TPRG1: variants seen among roughly 807,000 people sequenced by gnomAD.
TPRG1 encodes the protein tumor protein p63-regulated gene 1 protein.
A neutral mutation model predicts 29.3 loss-of-function variants in TPRG1; 29 were observed. That is an observed-to-expected ratio of 0.99 (90% CI 0.74 to 1.35). TPRG1 has a LOEUF of 1.35. TPRG1 is among the 40% of genes most tolerant of loss of function. The probability of loss-of-function intolerance (pLI) is 0.00; values close to 1 mark genes in which losing one functional copy is unlikely to be tolerated. For synonymous variants in TPRG1, 130 were observed against 116.8 expected (o/e 1.11, Z -0.73); for missense variants, 327 against 335.0 (o/e 0.98, Z 0.19).
chr3:189,118,741 C>T (rs1040020729), intron 1 of TPRG1, among the ~76,000 whole-genome samples: 3 of 152,228 alleles, frequency 2.0e-5, no homozygotes, highest in South Asian at 2.1e-4. Flanking sequence ...GGTGTTGGTC[C>T]TGTGGGTACA....
At position 189,029,329 on chromosome 3, in the gene TPRG1, A is replaced by G. The variant is rs140090736; in HGVS notation, c.-463+5383A>G. Among the ~76,000 whole-genome samples the G allele has an allele frequency of 7.9e-5, 12 of 152,354 alleles. 2 individuals are homozygous for G. Among genetic ancestry groups the G allele is most frequent in the Admixed American group, 6.5e-5 (1 of 15,308 alleles). ...ATGTTTTATGATGTTGCTGCTTCTGATAAAAAGAGCAGGGAATAAACAGTA... is the reference window on the plus strand; with the variant it reads ...ATGTTTTATGATGTTGCTGCTTCTGGTAAAAAGAGCAGGGAATAAACAGTA... On this transcript the variant is annotated intron_variant, in intron 4 of 10. Coordinates refer to the TPRG1 transcript ENST00000433971.
chr3:189,069,244 A>C (rs1208019706), intron 4 of TPRG1, among the ~76,000 whole-genome samples: 1 of 152,206 alleles, frequency 6.6e-6, no homozygotes, highest in Non-Finnish European at 1.5e-5. Context: ...GAAGGAAAAA[A>C]GCCAATTCCA....
Position 189,035,925 on chromosome 3 carries a change from T to C in TPRG1, c.-463+11979T>C, listed in dbSNP as rs113288605. Among the ~76,000 whole-genome samples, 1,292 of 152,224 alleles carry C rather than the reference T, an allele frequency of 8.5e-3. 26 individuals are homozygous for C. Among genetic ancestry groups the C allele is most frequent in the African/African-American group, 0.03 (1,257 of 41,536 alleles). ...CCCAGCAATCCCCTTACTGGGTCTA[T>C]ACCCAGAGGAAAATAAATTGTTCTA... is the stretch of plus-strand genomic sequence containing the variant. On this transcript the variant is annotated intron_variant, in intron 4 of 10. Transcript: ENST00000433971.
intron 4 of TPRG1, among the ~76,000 whole-genome samples, chr3:189,043,420 C>G (rs1714759357): frequency 6.6e-6 from 1 of 152,190 alleles, no homozygotes; most frequent in Non-Finnish European, 1.5e-5. Context: ...TCTTAGCCCT[C>G]AGTTTTTCCA....
At chr3:189,243,156 T>C (rs1476672357) in intron 4 of TPRG1, among the ~76,000 whole-genome samples, 11 of 152,206 alleles carry the variant, frequency 7.2e-5, no homozygotes, top group Non-Finnish European at 1.5e-4. Context: ...ATTCCACTTC[T>C]GTGGAGGCCT....
intron 3 of TPRG1, among the ~76,000 whole-genome samples, chr3:189,023,201 G>A (rs1323996428): frequency 1.3e-5 from 2 of 152,196 alleles, no homozygotes; most frequent in African/African-American, 2.4e-5. Context: ...CGTCGCTCAC[G>A]CTGGGAGCTG....
At chr3:189,163,825 T>C (rs1401444530) in intron 5 of TPRG1, among the ~76,000 whole-genome samples, 7 of 152,182 alleles carry the variant, frequency 4.6e-5, no homozygotes, top group Admixed American at 2.6e-4. Context: ...ACCCTTTGGC[T>C]CTACCCTCTT....
intron 4 of TPRG1, among the ~76,000 whole-genome samples, chr3:189,087,266 A>C (rs1365950239): frequency 6.6e-6 from 1 of 152,164 alleles, no homozygotes; most frequent in Non-Finnish European, 1.5e-5. Flanking sequence ...AGTGATGATG[A>C]GCATTTTTTC....
At chr3:189,008,497 C>T (rs938123744) in intron 3 of TPRG1, among the ~76,000 whole-genome samples, 17 of 152,138 alleles carry the variant, frequency 1.1e-4, no homozygotes, top group African/African-American at 3.9e-4. Flanking sequence ...TAACCTTGGC[C>T]TGGGTTTCTA....
intron 1 of TPRG1, among the ~76,000 whole-genome samples, chr3:189,192,953 A>C (rs1012589988): frequency 1.3e-5 from 2 of 152,032 alleles, no homozygotes; most frequent in Non-Finnish European, 2.9e-5. Context: ...TGCTGGGTAT[A>C]GTATTCCTGG....
chr3:189,309,238 G>T (rs182073153), intron 4 of TPRG1, among the ~76,000 whole-genome samples: 1 of 151,882 alleles, frequency 6.6e-6, no homozygotes, highest in Admixed American at 6.6e-5. Context: ...AACCAGTTGG[G>T]GAGCGGAGTG....
chr3:189,183,745 CTT>C (rs1730549514), intron 1 of TPRG1, among the ~76,000 whole-genome samples: 1 of 152,002 alleles, frequency 6.6e-6, no homozygotes, highest in Middle Eastern at 3.2e-3. Flanking sequence ...GGTTATCTCT[CTT>C]GTTTCCCAAA....
intron 1 of TPRG1, among the ~76,000 whole-genome samples, chr3:189,191,878 A>G (rs1006982179): frequency 6.6e-6 from 1 of 152,134 alleles, no homozygotes; most frequent in African/African-American, 2.4e-5. Flanking sequence ...GATATTCGTC[A>G]CTTACTTCTC....
intron 4 of TPRG1, among the ~76,000 whole-genome samples, chr3:189,280,072 A>G (rs1364921706): frequency 2.0e-5 from 3 of 152,182 alleles, no homozygotes; most frequent in Admixed American, 1.3e-4. Context: ...AAGAGGGATT[A>G]GTGATATTAG....
intron 4 of TPRG1, among the ~76,000 whole-genome samples, chr3:189,281,039 C>T (rs965930884): frequency 2.6e-5 from 4 of 152,188 alleles, no homozygotes; most frequent in Non-Finnish European, 5.9e-5. Context: ...TGACCCAATT[C>T]AGGCCCAATA....
intron 4 of TPRG1, among the ~76,000 whole-genome samples, chr3:189,087,076 C>T (rs796517944): frequency 3.9e-5 from 6 of 152,164 alleles, no homozygotes; most frequent in Non-Finnish European, 7.4e-5. Flanking sequence ...CTTGAGGAAT[C>T]GCCACACTGT....
chr3:189,170,686 A>G (rs1295210758), upstream of TPRG1, among the ~76,000 whole-genome samples: 1 of 152,192 alleles, frequency 6.6e-6, no homozygotes, highest in East Asian at 1.9e-4. Flanking sequence ...CTGTTGAGTT[A>G]GTATACATGA....
chr3:189,009,204 G>T (rs1012401476), intron 3 of TPRG1, among the ~76,000 whole-genome samples: 11 of 152,112 alleles, frequency 7.2e-5, no homozygotes, highest in Admixed American at 2.6e-4. Flanking sequence ...GAGAGCTACA[G>T]AGTCCAAATT....
rs140487702 is a variant in TPRG1 at position 189,282,677 on chromosome 3, C to T, written c.480-27709C>T. ...ATGCCTTGGGCATTTCAAGAAATAC[C>T]TTTCCCATCTCTCTGTTTTGATTAC... On this transcript the variant is annotated intron_variant, in intron 4 of 5. Coordinates refer to ENST00000345063, the MANE Select transcript of TPRG1 (RefSeq NM_198485.4). Among the ~76,000 whole-genome samples, 950 of 152,180 alleles carry T rather than the reference C, an allele frequency of 6.2e-3. 1 individual carries two copies. The highest frequency in any genetic ancestry group is 0.017 in the South Asian group (83 of 4,814).
Sources: gnomAD v4.1 joint callset for allele counts (sites outside exome capture counted in the v4.1 genomes callset) on GRCh38, gnomAD v4.1.1 for gene constraint, MANE v1.5 for transcripts, NCBI Gene and HGNC (gene_info 2026-07-23, HGNC 2026-07-21) for gene names.